ARG2: variants seen among roughly 807,000 people sequenced by gnomAD.
ARG2 encodes the protein arginase 2, also known as arginase-2, mitochondrial.
A neutral mutation model predicts 39.4 loss-of-function variants in ARG2; 21 were observed. That is an observed-to-expected ratio of 0.53 (90% CI 0.38 to 0.77). The LOEUF is 0.77. Ranked by LOEUF, ARG2 falls within the 30% of genes least tolerant of loss-of-function variation. The pLI, the probability that ARG2 is intolerant of heterozygous loss-of-function variation, is 0.00. For synonymous variants in ARG2, 150 were observed against 156.7 expected, an observed-to-expected ratio of 0.96 and a Z score of 0.32; for missense variants, 378 against 426.2, an observed-to-expected ratio of 0.89 and a Z score of 1.00.
Position 67,645,635 on chromosome 14 carries a change from C to A in ARG2, c.363-8C>A. Reference sequence around the variant, plus strand: ...GAGGGCCTTCAAGATTATACTTGTTCTTTGCAGCCTGGCAATCGGTACCAT... The same window carrying A: ...GAGGGCCTTCAAGATTATACTTGTTATTTGCAGCCTGGCAATCGGTACCAT... On this transcript the variant is annotated splice_polypyrimidine_tract_variant and splice_region_variant and intron_variant, in intron 3 of 7. Transcript: ENST00000261783. The A allele has an allele frequency of 3.1e-6, 5 of 1,611,502 alleles. No homozygotes were observed. Among genetic ancestry groups the A allele is most frequent in the Non-Finnish European group, 4.2e-6 (5 of 1,178,920 alleles).
At position 67,650,722 on chromosome 14, in the gene ARG2, A is replaced by T. The variant is rs189159556; in HGVS notation, c.867A>T (p.Leu289=). Residue 289 remains leucine (L), a synonymous_variant, in exon 8 of 8, where the codon CTA becomes CTT. Coordinates refer to ENST00000261783, the MANE Select transcript of ARG2 (RefSeq NM_001172.4). The stretch of plus-strand genomic sequence containing the variant: ...CACACTTTGTTCTTCCAGGGTTGCT[A>T]TCAGCACTGGATCTTGTTGAAGTCA... The part of the protein sequence containing the change: ...IAEEIHNTGL[L]SALDLVEVNP... The T allele has an allele frequency of 1.9e-4, 309 of 1,613,834 alleles. 1 individual carries two copies. The highest frequency in any genetic ancestry group is 2.5e-4 in the Non-Finnish European group (296 of 1,180,002).
At chr14:67,646,616 TA>T (rs1424835988) in intron 4 of ARG2, 27 bp from the exon 5 acceptor site, 1 of 1,531,396 alleles carries the variant, frequency 6.5e-7, no homozygotes, top group Non-Finnish European at 9.0e-7. Flanking sequence ...AATTCTTGAT[TA>T]ATCCTGTCCA....
intron 2 of ARG2, among the ~76,000 whole-genome samples, chr14:67,626,910 T>G (rs1771088475): frequency 6.6e-6 from 1 of 152,226 alleles, no homozygotes; most frequent in African/African-American, 2.4e-5. Context: ...AAGTACTAAT[T>G]TATGCTACAA....
At chr14:67,643,583 G>GGAGGCCAAGGTGGGAGGATTGCTT (rs2037059566) in intron 3 of ARG2, among the ~76,000 whole-genome samples, 1 of 152,230 alleles carries the variant, frequency 6.6e-6, no homozygotes, top group Non-Finnish European at 1.5e-5. Context: ...CAGCTACTCA[G>GGAGGCCAAGGTGGGAGGATTGCTT]GAGGCCAAGG....
chr14:67,636,055 C>G (rs1406748022), intron 2 of ARG2, among the ~76,000 whole-genome samples: 1 of 151,974 alleles, frequency 6.6e-6, no homozygotes, highest in Non-Finnish European at 1.5e-5. Flanking sequence ...CTATCCTATT[C>G]ATATTTAGAA....
At chr14:67,641,687 C>T (rs2037032655) in intron 2 of ARG2, among the ~76,000 whole-genome samples, 1 of 152,162 alleles carries the variant, frequency 6.6e-6, no homozygotes, top group Admixed American at 6.5e-5. Flanking sequence ...TGCCCATAAT[C>T]CCAGCACTTT....
chr14:67,626,099 C>T (rs1318934608), intron 2 of ARG2, among the ~76,000 whole-genome samples: 1 of 151,928 alleles, frequency 6.6e-6, no homozygotes, highest in Non-Finnish European at 1.5e-5. Context: ...CTAAAAAATA[C>T]AAAAATTAGC....
At chr14:67,629,059 T>C (rs1382619067) in intron 2 of ARG2, among the ~76,000 whole-genome samples, 1 of 151,958 alleles carries the variant, frequency 6.6e-6, no homozygotes, top group Non-Finnish European at 1.5e-5. Flanking sequence ...CAGGGCTGGG[T>C]GGGGTGGCTC....
chr14:67,649,045 T>C (rs988515380), intron 7 of ARG2: 2 of 152,206 alleles, frequency 1.3e-5, no homozygotes, highest in Non-Finnish European at 2.9e-5. Flanking sequence ...ACTGGTCTAA[T>C]TCTCAGATCT....
chr14:67,636,014 A>G (rs1301483010), intron 2 of ARG2, among the ~76,000 whole-genome samples: 1 of 152,104 alleles, frequency 6.6e-6, no homozygotes, highest in Admixed American at 6.6e-5. Context: ...GATTTCACTG[A>G]CTTGTTATTC....
intron 2 of ARG2, among the ~76,000 whole-genome samples, chr14:67,633,071 C>T (rs1327652604): frequency 8.6e-5 from 13 of 151,990 alleles, no homozygotes; most frequent in Non-Finnish European, 1.8e-4. Flanking sequence ...CCGCCCGCCT[C>T]GGCCTCCGAA....
At chr14:67,620,462 T>C (rs1027104610) in intron 1 of ARG2, among the ~76,000 whole-genome samples, 9 of 151,970 alleles carry the variant, frequency 5.9e-5, no homozygotes, top group Non-Finnish European at 1.3e-4. Flanking sequence ...GGAGAATCGA[T>C]GGAGGAGGTT....
chr14:67,629,214 T>C (rs892098490), intron 2 of ARG2, among the ~76,000 whole-genome samples: 2 of 152,264 alleles, frequency 1.3e-5, no homozygotes, highest in Admixed American at 6.5e-5. Flanking sequence ...TGCATGCACA[T>C]AGTCCTAGCT....
Position 67,651,086 on chromosome 14 carries a change from A to G in ARG2, c.*166A>G. 1.1e-6 allele frequency: 1 copy of G among 931,008 alleles called. No individual in the cohort carries two copies. The highest frequency in any genetic ancestry group is 1.7e-5 in the South Asian group (1 of 59,060). 57.7% of individuals were successfully genotyped at this position (931,008 alleles called of 1,614,324 possible). On this transcript the variant is annotated 3_prime_UTR_variant, in exon 8 of 8. Coordinates refer to ENST00000261783, the MANE Select transcript of ARG2 (RefSeq NM_001172.4). ...CCCCTCTATTTTGGTGACCAATACT[A>G]CTGTAAATGTATTTGGTTTTTTGCA...
chr14:67,624,738 A>G (rs1198298433), intron 2 of ARG2, among the ~76,000 whole-genome samples: 2 of 152,372 alleles, frequency 1.3e-5, no homozygotes, highest in East Asian at 1.9e-4. Flanking sequence ...GAGCCAAACC[A>G]TATCAAGAAC....
intron 2 of ARG2, among the ~76,000 whole-genome samples, chr14:67,625,712 G>T (rs888018281): frequency 9.0e-6 from 1 of 111,168 alleles, no homozygotes; most frequent in Non-Finnish European, 1.8e-5. Flanking sequence ...AAACTGGAAA[G>T]ACTTCATCAA....
chr14:67,620,635 C>G (rs2036799598), intron 1 of ARG2, among the ~76,000 whole-genome samples: 1 of 152,098 alleles, frequency 6.6e-6, no homozygotes, highest in South Asian at 2.1e-4. Flanking sequence ...TCAGTCATCT[C>G]GAAGCCCAGA....
intron 2 of ARG2, among the ~76,000 whole-genome samples, chr14:67,632,741 T>G (rs1396494595): frequency 6.6e-6 from 1 of 151,320 alleles, no homozygotes; most frequent in Non-Finnish European, 1.5e-5. Flanking sequence ...CACACAAATA[T>G]TATGAAATAG....
chr14:67,635,112 C>A (rs559537441), intron 2 of ARG2, among the ~76,000 whole-genome samples: 3 of 152,002 alleles, frequency 2.0e-5, no homozygotes, highest in Non-Finnish European at 4.4e-5. Context: ...GGTATGGTGG[C>A]GCATGCCTGT....
Sources: gnomAD v4.1 joint callset for allele counts (sites outside exome capture counted in the v4.1 genomes callset) on GRCh38, gnomAD v4.1.1 for gene constraint, MANE v1.5 for transcripts, NCBI Gene and HGNC (gene_info 2026-07-23, HGNC 2026-07-21) for gene names.